The following NTM variants were observed in gnomAD, a reference collection of about 807,000 sequenced individuals.
The protein encoded by NTM is IgLON family member 2.
Under a neutral mutation model 42.1 loss-of-function variants are expected in NTM, and 13 were observed. The ratio of observed to expected loss-of-function variants is 0.31; its 90% CI spans 0.20 to 0.49. NTM has a LOEUF of 0.49. Among genes scored for constraint, NTM ranks in the 20% least tolerant of loss-of-function variants. The pLI, the probability that NTM is intolerant of heterozygous loss-of-function variation, is 0.99. For missense variants in NTM, 373 were observed against 452.8 expected, an observed-to-expected ratio of 0.82 and a Z score of 1.60; for synonymous variants, 187 against 179.2, an observed-to-expected ratio of 1.04 and a Z score of -0.35.
chr11:131,595,542 T>A (rs1402668894), intron 1 of NTM, among the ~76,000 whole-genome samples: 1 of 152,194 alleles, frequency 6.6e-6, no homozygotes, highest in Admixed American at 6.5e-5. Flanking sequence ...GCAATTGTGT[T>A]TCCCCCTTAT....
intron 1 of NTM, among the ~76,000 whole-genome samples, chr11:131,760,533 A>G (rs1254916207): frequency 1.3e-5 from 2 of 152,202 alleles, no homozygotes; most frequent in Non-Finnish European, 2.9e-5. Flanking sequence ...TCCTTAAAAC[A>G]TCTGTTCCGT....
intron 1 of NTM, among the ~76,000 whole-genome samples, chr11:131,907,073 C>G (rs1485548553): frequency 2.0e-5 from 3 of 152,142 alleles, no homozygotes; most frequent in Non-Finnish European, 4.4e-5. Flanking sequence ...CTCTAATGGC[C>G]CTGCATTTCC....
intron 1 of NTM, chr11:131,767,211 A>G: frequency 8.4e-6 from 5 of 594,750 alleles, no homozygotes; most frequent in Non-Finnish European, 1.1e-5. Flanking sequence ...TTCAAATCCA[A>G]AAAGAGTTAA....
intron 1 of NTM, chr11:131,660,843 C>T: frequency 8.2e-7 from 1 of 1,221,114 alleles, no homozygotes; most frequent in Non-Finnish European, 1.1e-6. Flanking sequence ...CTCATTGTTA[C>T]AGTTTCAAAG....
chr11:132,026,374 C>T (rs956671376), intron 2 of NTM, among the ~76,000 whole-genome samples: 1 of 152,116 alleles, frequency 6.6e-6, no homozygotes, highest in Non-Finnish European at 1.5e-5. Flanking sequence ...CAAATAGTCA[C>T]GTATGTAAAC....
At chr11:131,996,663 AT>A (rs753579685) in intron 2 of NTM, among the ~76,000 whole-genome samples, 1 of 146,680 alleles carries the variant, frequency 6.8e-6, no homozygotes, top group Non-Finnish European at 1.5e-5. Context: ...GTGTCTTGGG[AT>A]TTACAGCTGG....
At chr11:131,852,235 A>G (rs1005941467) in intron 1 of NTM, among the ~76,000 whole-genome samples, 1 of 152,170 alleles carries the variant, frequency 6.6e-6, no homozygotes, top group African/African-American at 2.4e-5. Context: ...AGGGGAGGAC[A>G]GACAGATGAT....
intron 1 of NTM, among the ~76,000 whole-genome samples, chr11:131,643,507 C>A (rs565933811): frequency 1.3e-5 from 2 of 152,242 alleles, no homozygotes; most frequent in Admixed American, 1.3e-4. Context: ...TGTCCTTTGC[C>A]CTGGATCAGT....
intron 1 of NTM, among the ~76,000 whole-genome samples, chr11:131,497,648 C>T (rs1191417829): frequency 6.6e-6 from 1 of 152,170 alleles, no homozygotes; most frequent in African/African-American, 2.4e-5. Flanking sequence ...CTGTTAATTT[C>T]CTTTAAAATT....
At chr11:131,800,589 C>T (rs2092018983) in intron 1 of NTM, among the ~76,000 whole-genome samples, 1 of 152,238 alleles carries the variant, frequency 6.6e-6, no homozygotes, top group South Asian at 2.1e-4. Context: ...GCCTGGCATG[C>T]TTTCTGCAGC....
At chr11:131,468,669 A>T (rs1221413986) in intron 1 of NTM, among the ~76,000 whole-genome samples, 1 of 152,234 alleles carries the variant, frequency 6.6e-6, no homozygotes, top group Non-Finnish European at 1.5e-5. Context: ...AGAGAAGCTT[A>T]TTTATCAAAC....
chr11:132,314,879 C>T (rs550506237), intron 7 of NTM, 176 bp downstream of exon 7: 49 of 1,361,114 alleles, frequency 3.6e-5, no homozygotes, highest in African/African-American at 1.3e-4. Flanking sequence ...GACAGAGAGA[C>T]AGGGAGGAGG....
chr11:131,676,988 T>A (rs1047479205), intron 1 of NTM, among the ~76,000 whole-genome samples: 1 of 141,770 alleles, frequency 7.1e-6, no homozygotes, highest in Non-Finnish European at 1.5e-5. Flanking sequence ...TTGTCTTTCC[T>A]GACACTGACA....
At chr11:131,685,708 G>A (rs2073781896) in intron 1 of NTM, among the ~76,000 whole-genome samples, 1 of 152,072 alleles carries the variant, frequency 6.6e-6, no homozygotes, top group African/African-American at 2.4e-5. Context: ...TTTGCTTAAG[G>A]ATTTCAATGT....
intron 1 of NTM, among the ~76,000 whole-genome samples, chr11:131,870,706 T>G: frequency 6.6e-6 from 1 of 152,146 alleles, no homozygotes; most frequent in East Asian, 1.9e-4. Flanking sequence ...AAGCCAATTC[T>G]CAGAGAGAAA....
At chr11:132,162,363 G>T (rs1207891974) in intron 3 of NTM, among the ~76,000 whole-genome samples, 1 of 147,074 alleles carries the variant, frequency 6.8e-6, no homozygotes, top group Non-Finnish European at 1.5e-5. Flanking sequence ...CATGTGGGGG[G>T]GACTGCGTGA....
intron 1 of NTM, among the ~76,000 whole-genome samples, chr11:131,842,261 T>C (rs1404934809): frequency 1.3e-5 from 2 of 152,138 alleles, no homozygotes; most frequent in Non-Finnish European, 2.9e-5. Flanking sequence ...AACATATGAG[T>C]CCATGAGAAG....
intron 1 of NTM, among the ~76,000 whole-genome samples, chr11:131,688,938 A>T (rs371365652): frequency 6.6e-6 from 1 of 152,160 alleles, no homozygotes; most frequent in South Asian, 2.1e-4. Flanking sequence ...TTTCCTTAGG[A>T]TTGTTAGAGC....
In NTM at chr11:131,456,512, A is replaced by G. The variant is rs561339008; in HGVS notation, c.82+85624A>G. ...TGCCCCAGCATGGCTCCCAAAACAG[A>G]CAGGCCCAGAAAGCCAGTGTGGCTC... is the stretch of plus-strand genomic sequence containing the variant. On this transcript the variant is annotated intron_variant, in intron 1 of 8. Coordinates refer to ENST00000683400, the MANE Select transcript of NTM (RefSeq NM_001352005.2). Among the ~76,000 whole-genome samples the G allele has an allele frequency of 1.4e-3, 208 of 152,234 alleles. 1 individual carries two copies. Among genetic ancestry groups the G allele is most frequent in the South Asian group, 0.01 (49 of 4,822 alleles).
Sources: allele counts gnomAD v4.1 joint callset (sites outside exome capture counted in the v4.1 genomes callset), GRCh38; gene constraint gnomAD v4.1.1; transcripts MANE v1.5; gene names NCBI Gene and HGNC (gene_info 2026-07-23, HGNC 2026-07-21).